LRRC4C: variants seen among roughly 807,000 people sequenced by gnomAD.
LRRC4C encodes the protein leucine rich repeat containing 4C.
Under a neutral mutation model 33.6 loss-of-function variants are expected in LRRC4C, and 5 were observed. That is an observed-to-expected ratio of 0.15 (90% CI 0.08 to 0.31). LRRC4C has a LOEUF of 0.31. LRRC4C is among the 10% of genes least tolerant of loss of function. The pLI, the probability that LRRC4C is intolerant of heterozygous loss-of-function variation, is 1.00. For synonymous variants in LRRC4C, 329 were observed against 302.0 expected (o/e 1.09, Z -0.93); for missense variants, 560 against 796.7 (o/e 0.70, Z 3.58).
At chr11:41,298,470 T>C (rs1233530330) in intron 1 of LRRC4C, among the ~76,000 whole-genome samples, 1 of 152,108 alleles carries the variant, frequency 6.6e-6, no homozygotes, top group East Asian at 1.9e-4. Context: ...GCAGTCATTA[T>C]TGAATTGTTA....
chr11:40,586,130 C>A lies in LRRC4C; in HGVS notation c.-270+62012G>T, dbSNP rs1346118505. 3.3e-5 allele frequency among the ~76,000 whole-genome samples: 5 copies of A among 150,684 alleles called. No individual in the cohort carries two copies. In the East Asian group the frequency reaches 7.8e-4, roughly 24 times the overall value. On this transcript the variant is annotated intron_variant, in intron 3 of 6. Coordinates refer to ENST00000528697, the MANE Select transcript of LRRC4C (RefSeq NM_001258419.2). ...TCCTATTTCTCCACATCCTCTCCAG[C>A]ACCTGTTGTTTCCTGACTTTTTAAT...
intron 6 of LRRC4C, among the ~76,000 whole-genome samples, chr11:40,135,611 A>G (rs952231694): frequency 3.9e-5 from 6 of 152,214 alleles, no homozygotes; most frequent in Non-Finnish European, 7.3e-5. Flanking sequence ...TATTTAAACC[A>G]TTATTAACTA....
At chr11:40,219,684 G>A (rs574859498) in intron 5 of LRRC4C, among the ~76,000 whole-genome samples, 1 of 151,402 alleles carries the variant, frequency 6.6e-6, no homozygotes, top group African/African-American at 2.4e-5. Flanking sequence ...ATCCAAATAT[G>A]CAGACATAGA....
chr11:40,571,441 T>C (rs1025532275), intron 3 of LRRC4C, among the ~76,000 whole-genome samples: 1 of 152,136 alleles, frequency 6.6e-6, no homozygotes, highest in Admixed American at 6.5e-5. Context: ...ACAGAATAAA[T>C]TGCAGTATGA....
At chr11:40,216,570 A>G (rs1414458848) in intron 5 of LRRC4C, among the ~76,000 whole-genome samples, 1 of 152,170 alleles carries the variant, frequency 6.6e-6, no homozygotes, top group African/African-American at 2.4e-5. Flanking sequence ...CTAAAATGAG[A>G]TTAAGAAGCG....
intron 2 of LRRC4C, among the ~76,000 whole-genome samples, chr11:40,665,648 A>G (rs1313336356): frequency 1.3e-5 from 2 of 151,846 alleles, no homozygotes; most frequent in Non-Finnish European, 2.9e-5. Flanking sequence ...AACATAGAAA[A>G]TAGAAAGTCA....
chr11:40,598,839 C>T (rs1488907469), intron 3 of LRRC4C, among the ~76,000 whole-genome samples: 3 of 152,042 alleles, frequency 2.0e-5, no homozygotes, highest in African/African-American at 7.2e-5. Context: ...AGAAGGTGCT[C>T]TCACCCCCAG....
chr11:40,946,226 T>C lies in LRRC4C; in HGVS notation c.-495-12503A>G, dbSNP rs570373358. Among the ~76,000 whole-genome samples the C allele has an allele frequency of 2.0e-5, 3 of 152,272 alleles. No homozygotes were observed. In the South Asian group the frequency reaches 6.2e-4, roughly 32 times the overall value. On this transcript the variant is annotated intron_variant, in intron 1 of 6. Transcript: ENST00000528697. ...TCCTGTGTTAATTTGCTTGGAATAATGGCCTCCAGCTGCATTCACGTGGCT... is the reference window on the plus strand; with the variant it reads ...TCCTGTGTTAATTTGCTTGGAATAACGGCCTCCAGCTGCATTCACGTGGCT...
intron 2 of LRRC4C, among the ~76,000 whole-genome samples, chr11:40,745,556 T>C (rs939516578): frequency 6.6e-5 from 10 of 152,190 alleles, no homozygotes; most frequent in African/African-American, 1.7e-4. Flanking sequence ...GTGGGACATA[T>C]GGCAGATGAT....
chr11:40,125,949 G>T (rs896269159), intron 6 of LRRC4C, among the ~76,000 whole-genome samples: 6 of 152,002 alleles, frequency 3.9e-5, no homozygotes, highest in African/African-American at 1.4e-4. Flanking sequence ...CCTTATGCAG[G>T]AGTATGTAGT....
chr11:41,299,307 T>A (rs897540464), intron 1 of LRRC4C, among the ~76,000 whole-genome samples: 4 of 152,162 alleles, frequency 2.6e-5, no homozygotes, highest in African/African-American at 9.6e-5. Context: ...AACAATAATA[T>A]CAAACTTTCT....
intron 2 of LRRC4C, among the ~76,000 whole-genome samples, chr11:40,689,625 G>A (rs985925355): frequency 4.6e-5 from 7 of 151,866 alleles, no homozygotes; most frequent in African/African-American, 1.7e-4. Context: ...ATATTTACAG[G>A]AAAAATCAAG....
chr11:40,517,647 A>C (rs188343831), intron 3 of LRRC4C, among the ~76,000 whole-genome samples: 7 of 152,274 alleles, frequency 4.6e-5, no homozygotes, highest in Admixed American at 4.6e-4. Context: ...AGGCACTGGA[A>C]TCAACATCGT....
At chr11:40,383,819 G>T (rs1035529146) in intron 3 of LRRC4C, among the ~76,000 whole-genome samples, 1 of 151,396 alleles carries the variant, frequency 6.6e-6, no homozygotes, top group South Asian at 2.1e-4. Context: ...CTAGTAGCTG[G>T]GAACACAGGC....
chr11:40,986,958 G>C (rs1419563716), intron 1 of LRRC4C, among the ~76,000 whole-genome samples: 1 of 152,190 alleles, frequency 6.6e-6, no homozygotes, highest in African/African-American at 2.4e-5. Context: ...TCTTCAGTTT[G>C]GTGGATAATT....
At chr11:41,316,682 T>A (rs2137234258) in intron 1 of LRRC4C, among the ~76,000 whole-genome samples, 1 of 152,288 alleles carries the variant, frequency 6.6e-6, no homozygotes, top group East Asian at 1.9e-4. Flanking sequence ...CTTTGCTAAA[T>A]CTCCATCACT....
chr11:40,683,936 A>T (rs1294716900), intron 2 of LRRC4C, among the ~76,000 whole-genome samples: 1 of 152,204 alleles, frequency 6.6e-6, no homozygotes, highest in Non-Finnish European at 1.5e-5. Context: ...GGGAACTTAG[A>T]ACCCCAAATT....
At chr11:40,566,310 CAA>C (rs1021256856) in intron 3 of LRRC4C, among the ~76,000 whole-genome samples, 1 of 151,790 alleles carries the variant, frequency 6.6e-6, no homozygotes, top group Non-Finnish European at 1.5e-5. Flanking sequence ...AGCAAAATTG[CAA>C]AGACTTTTAG....
intron 3 of LRRC4C, among the ~76,000 whole-genome samples, chr11:40,399,233 C>T (rs936656934): frequency 8.5e-5 from 13 of 152,124 alleles, no homozygotes; most frequent in African/African-American, 2.9e-4. Context: ...CACATGCACA[C>T]GTATGTTTAT....
Sources: allele counts gnomAD v4.1 joint callset (sites outside exome capture counted in the v4.1 genomes callset), GRCh38; gene constraint gnomAD v4.1.1; transcripts MANE v1.5; gene names NCBI Gene and HGNC (gene_info 2026-07-23, HGNC 2026-07-21).